Variants in NADK2 observed in about 807,000 individuals in gnomAD.
The protein encoded by NADK2 is NAD kinase domain-containing protein 1, mitochondrial.
NADK2 carries 35 observed loss-of-function variants against 62.1 expected under a neutral mutation model. The ratio of observed to expected loss-of-function variants is 0.56; its 90% CI spans 0.43 to 0.75. The LOEUF is 0.75. NADK2 is among the 30% of genes least tolerant of loss of function. NADK2 has a pLI of 0.00. For synonymous variants in NADK2, 205 were observed against 207.9 expected, an observed-to-expected ratio of 0.99 and a Z score of 0.12; for missense variants, 439 against 561.3, an observed-to-expected ratio of 0.78 and a Z score of 2.20.
At chr5:36,201,714 G>A (rs973660404) in intron 8 of NADK2, among the ~76,000 whole-genome samples, 1 of 151,898 alleles carries the variant, frequency 6.6e-6, no homozygotes. Context: ...AAGTACTAGA[G>A]ATATGAAATG....
chr5:36,214,032 T>C (rs6895423), intron 6 of NADK2, among the ~76,000 whole-genome samples: 140,762 of 152,190 alleles, frequency 0.92, 65,595 homozygotes, highest in Non-Finnish European at 0.98. Flanking sequence ...CAAATGAGTT[T>C]GACAATAAAT....
At chr5:36,200,416 G>A (rs2112067976) in intron 9 of NADK2, 136 bp from the exon 10 acceptor site, 1 of 383,638 alleles carries the variant, frequency 2.6e-6, no homozygotes, top group Non-Finnish European at 4.3e-6. Context: ...TAACATAATA[G>A]CTAATATAAA....
chr5:36,220,289 G>A (rs994894782), intron 4 of NADK2, among the ~76,000 whole-genome samples: 1 of 152,116 alleles, frequency 6.6e-6, no homozygotes, highest in Non-Finnish European at 1.5e-5. Flanking sequence ...CTCCTTTAAG[G>A]AGTTCATAGC....
chr5:36,218,872 T>C (rs141328149), intron 5 of NADK2, among the ~76,000 whole-genome samples: 2 of 152,284 alleles, frequency 1.3e-5, no homozygotes, highest in African/African-American at 4.8e-5. Flanking sequence ...CAGCTCTCAA[T>C]CATTACTAGA....
rs1186368891 is a variant in NADK2, at chr5:36,241,505, C to T, written c.294G>A (p.Lys98=). ...GGGCCGAGCCAGGACCCACCAGCTG[C>T]TTCAGGTCCTCCTCCGAGAGCTCCG... is the stretch of plus-strand genomic sequence containing the variant. The part of the protein sequence containing the change: ...RYAELSEEDL[K]QLLALKGSSY... Residue 98 remains lysine, a synonymous_variant, in exon 1 of 12, where the codon AAG becomes AAA. Coordinates refer to ENST00000381937, the MANE Select transcript of NADK2 (RefSeq NM_001085411.3). The surrounding 1 kb of genome is among the most constrained non-coding windows in gnomAD (Gnocchi z 4.9). 1 of 1,554,376 alleles carries T rather than the reference C, an allele frequency of 6.4e-7. No individual in the cohort carries two copies. Among genetic ancestry groups the T allele is most frequent in the Non-Finnish European group, 8.6e-7 (1 of 1,159,104 alleles).
chr5:36,220,086 G>T (rs1043091455), intron 4 of NADK2, among the ~76,000 whole-genome samples: 1 of 152,074 alleles, frequency 6.6e-6, no homozygotes, highest in African/African-American at 2.4e-5. Flanking sequence ...AGTCACTTTA[G>T]CATCAGCTTC....
At chr5:36,219,030 A>T (rs904006589) in intron 5 of NADK2, among the ~76,000 whole-genome samples, 16 of 152,342 alleles carry the variant, frequency 1.1e-4, no homozygotes, top group African/African-American at 3.8e-4. Context: ...GAGAAAAAAA[A>T]TTTCTATATG....
chr5:36,213,409 CTGTT>C (rs1226762877), intron 6 of NADK2, among the ~76,000 whole-genome samples: 5 of 151,820 alleles, frequency 3.3e-5, no homozygotes, highest in African/African-American at 9.7e-5. Context: ...TTATATTCTT[CTGTT>C]TATTATGTTT....
At chr5:36,208,356 T>C (rs1017858245) in intron 7 of NADK2, among the ~76,000 whole-genome samples, 4 of 152,086 alleles carry the variant, frequency 2.6e-5, no homozygotes, top group Admixed American at 6.6e-5. Flanking sequence ...TAGGAGCCTA[T>C]TATGTACAGA....
intron 5 of NADK2, among the ~76,000 whole-genome samples, chr5:36,219,368 G>A (rs143539745): frequency 6.6e-6 from 1 of 152,118 alleles, no homozygotes; most frequent in African/African-American, 2.4e-5. Context: ...TTGCCACCAT[G>A]CCCAGCTAAC....
chr5:36,211,951 CAAG>C, intron 6 of NADK2, 29 bp from the exon 7 acceptor site: 1 of 1,481,420 alleles, frequency 6.8e-7, no homozygotes, highest in Non-Finnish European at 9.3e-7. Flanking sequence ...AAAGAAAATC[CAAG>C]ATAGCTCCTT....
rs992841663 is a variant in NADK2, at chr5:36,205,358, A to G, written c.956+1812T>C. ...GACTGGATTTTCAGACAGTGGATAG[A>G]AAGTGGAGTGTTCAGGCATTCAAGG... On this transcript the variant is annotated intron_variant, in intron 8 of 11. Transcript: ENST00000381937. This position sits in a 1 kb window ranked among gnomAD's most constrained non-coding sequence, Gnocchi z 4.1. 6.6e-5 allele frequency among the ~76,000 whole-genome samples: 10 copies of G among 152,096 alleles called. No individual in the cohort carries two copies. The East Asian group carries it at 1.9e-3, about 29-fold the overall frequency.
chr5:36,242,238 T>C (rs1329773857), upstream of NADK2: 4 of 152,356 alleles, frequency 2.6e-5, no homozygotes, highest in African/African-American at 9.6e-5. Context: ...GGCCGCGCCA[T>C]TGGCTGCGGC....
chr5:36,203,003 G>GA (rs368876590), intron 8 of NADK2, among the ~76,000 whole-genome samples: 5 of 151,668 alleles, frequency 3.3e-5, no homozygotes, highest in African/African-American at 1.2e-4. Context: ...TTCCATACAA[G>GA]AAAAAAAGCC....
intron 4 of NADK2, among the ~76,000 whole-genome samples, chr5:36,220,503 T>G (rs944526414): frequency 6.6e-6 from 1 of 152,158 alleles, no homozygotes; most frequent in Non-Finnish European, 1.5e-5. Context: ...TAAATCAACT[T>G]GTAAGCGTGA....
At chr5:36,206,547 T>C (rs926394201) in intron 8 of NADK2, among the ~76,000 whole-genome samples, 1 of 151,868 alleles carries the variant, frequency 6.6e-6, no homozygotes, top group Non-Finnish European at 1.5e-5. Flanking sequence ...CTCTAGAGCA[T>C]GGAGTCAGGG....
chr5:36,199,421 G>C (rs1425350146), intron 10 of NADK2, among the ~76,000 whole-genome samples: 4 of 151,856 alleles, frequency 2.6e-5, no homozygotes, highest in African/African-American at 9.7e-5. Context: ...TGGGTTTGGA[G>C]TTTTATAAAA....
At chr5:36,200,372 G>T in intron 9 of NADK2, 92 bp from the exon 10 acceptor site, 1 of 612,980 alleles carries the variant, frequency 1.6e-6, no homozygotes, top group Non-Finnish European at 2.4e-6. Context: ...AATGCTTAAA[G>T]TGTATATGTG....
At position 36,195,045 on chromosome 5, in the gene NADK2, T is replaced by A; in HGVS notation, c.*99A>T. On this transcript the variant is annotated 3_prime_UTR_variant, in exon 12 of 12. Transcript: ENST00000381937. ...CACTTCTGAGCCCACGGGCAAGCAG[T>A]CTCAACAATAACCAAAAAATGTCAC... 7.6e-7 allele frequency: 1 copy of A among 1,316,124 alleles called. No homozygotes were observed. The allele number at this position is 1,316,124 out of a possible 1,614,324, so 81.5% of individuals were successfully genotyped here.
Sources: gnomAD v4.1 joint callset for allele counts (sites outside exome capture counted in the v4.1 genomes callset) on GRCh38, gnomAD v4.1.1 for gene constraint, Gnocchi (gnomAD v3.1) non-coding constraint, MANE v1.5 for transcripts, NCBI Gene and HGNC (gene_info 2026-07-23, HGNC 2026-07-21) for gene names.